Variants in FSTL4 observed in about 807,000 individuals in gnomAD.
FSTL4 encodes the protein follistatin-related protein 4.
A neutral mutation model predicts 78.2 loss-of-function variants in FSTL4; 28 were observed. The ratio of observed to expected loss-of-function variants is 0.36; its 90% confidence interval spans 0.27 to 0.49. The LOEUF is 0.49. Ranked by LOEUF, FSTL4 falls within the 20% of genes least tolerant of loss-of-function variation. The pLI is 0.98. For synonymous variants in FSTL4, 422 were observed against 440.5 expected, an observed-to-expected ratio of 0.96 and a Z score of 0.53; for missense variants, 922 against 1,084.9, an observed-to-expected ratio of 0.85 and a Z score of 2.11.
At chr5:133,436,447 G>A (rs1247469349) in intron 3 of FSTL4, among the ~76,000 whole-genome samples, 4 of 152,206 alleles carry the variant, frequency 2.6e-5, no homozygotes, top group African/African-American at 9.7e-5. Flanking sequence ...CATGGTGTGA[G>A]TTGAGGCTAG....
At chr5:133,350,910 T>C (rs897632340) in intron 4 of FSTL4, among the ~76,000 whole-genome samples, 2 of 152,138 alleles carry the variant, frequency 1.3e-5, no homozygotes, top group Admixed American at 6.5e-5. Context: ...GAAAAGAACA[T>C]GGTAGGAAGG....
chr5:133,221,857 T>C (rs1751116479), intron 11 of FSTL4, among the ~76,000 whole-genome samples: 1 of 147,398 alleles, frequency 6.8e-6, no homozygotes, highest in African/African-American at 2.5e-5. Context: ...CTCTGTAAAT[T>C]CTAGGGTAAA....
At chr5:133,448,655 C>T (rs1237507212) in intron 3 of FSTL4, among the ~76,000 whole-genome samples, 3 of 143,024 alleles carry the variant, frequency 2.1e-5, no homozygotes, top group East Asian at 4.1e-4. Flanking sequence ...TCCCCACTCT[C>T]GAGACAGAAG....
rs1761107933 is a variant in FSTL4 at position 133,612,015 on chromosome 5, C to T, written c.-11+310G>A. Among the ~76,000 whole-genome samples, 1 of 152,022 alleles carries T rather than the reference C, an allele frequency of 6.6e-6. No individual in the cohort carries two copies. The highest frequency in any genetic ancestry group is 2.4e-5 in the African/African-American group (1 of 41,428). ...CCGAGCGCTTCTGCGTGGCGCCCCGCGTGCCAACCGGGTCACTCCGGTCCC... is the reference window on the plus strand; with the variant it reads ...CCGAGCGCTTCTGCGTGGCGCCCCGTGTGCCAACCGGGTCACTCCGGTCCC... On this transcript the variant is annotated intron_variant, in intron 1 of 15. Coordinates refer to ENST00000265342, the MANE Select transcript of FSTL4 (RefSeq NM_015082.2). This position sits in a 1 kb window ranked among gnomAD's most constrained non-coding sequence, Gnocchi z 6.2.
At chr5:133,770,611 G>A in the FSTL4 span, among the ~76,000 whole-genome samples, 2 of 152,148 alleles carry the variant, frequency 1.3e-5, no homozygotes, top group Non-Finnish European at 2.9e-5. Context: ...ACAGATCCTA[G>A]ATATTAGCCC....
the FSTL4 span, among the ~76,000 whole-genome samples, chr5:133,656,857 G>T: frequency 6.6e-6 from 1 of 152,180 alleles, no homozygotes; most frequent in Admixed American, 6.5e-5. Context: ...GACCAGGAAG[G>T]AGACTGACAA....
At chr5:133,478,366 G>C (rs1171157406) in intron 3 of FSTL4, among the ~76,000 whole-genome samples, 1 of 152,244 alleles carries the variant, frequency 6.6e-6, no homozygotes, top group Non-Finnish European at 1.5e-5. Context: ...TGGTGAGCAA[G>C]TCGTCTGTCT....
chr5:133,718,274 T>C, the FSTL4 span, among the ~76,000 whole-genome samples: 1 of 152,094 alleles, frequency 6.6e-6, no homozygotes, highest in Non-Finnish European at 1.5e-5. Context: ...AGAGACAAGG[T>C]TTCACTATGT....
the FSTL4 span, among the ~76,000 whole-genome samples, chr5:133,830,493 C>T: frequency 1.3e-5 from 2 of 152,230 alleles, no homozygotes; most frequent in Non-Finnish European, 2.9e-5. Context: ...CTCACTCTCC[C>T]TCCATCTCTG....
chr5:133,793,088 T>C, the FSTL4 span, among the ~76,000 whole-genome samples: 1 of 152,188 alleles, frequency 6.6e-6, no homozygotes, highest in East Asian at 1.9e-4. Context: ...ACGGTGTGCT[T>C]TTAATGGCCA....
At chr5:133,604,715 A>C (rs1342093427) in intron 1 of FSTL4, among the ~76,000 whole-genome samples, 2 of 152,186 alleles carry the variant, frequency 1.3e-5, no homozygotes, top group African/African-American at 4.8e-5. Context: ...GTCTCAAAAA[A>C]AGAAATGATG....
the FSTL4 span, among the ~76,000 whole-genome samples, chr5:133,836,239 G>A: frequency 6.6e-6 from 1 of 151,866 alleles, no homozygotes; most frequent in African/African-American, 2.4e-5. Flanking sequence ...TCTGTTTTAT[G>A]TTTCTTTTTC....
At chr5:133,322,956 T>C (rs1465999337) in intron 4 of FSTL4, among the ~76,000 whole-genome samples, 1 of 152,166 alleles carries the variant, frequency 6.6e-6, no homozygotes. Context: ...GGAGTTGAAG[T>C]GGACAGCTCC....
At chr5:133,490,000 A>C (rs528354486) in intron 3 of FSTL4, among the ~76,000 whole-genome samples, 29 of 152,352 alleles carry the variant, frequency 1.9e-4, no homozygotes, top group African/African-American at 5.8e-4. Context: ...ACTGCCAGGA[A>C]ACATCTCATT....
At chr5:133,501,008 A>G (rs781071843) in intron 3 of FSTL4, among the ~76,000 whole-genome samples, 1 of 152,018 alleles carries the variant, frequency 6.6e-6, no homozygotes, top group Admixed American at 6.6e-5. Context: ...GGAAGGGGAG[A>G]TAAAAGGGAG....
At chr5:133,205,339 T>G (rs1200822730) in intron 14 of FSTL4, among the ~76,000 whole-genome samples, 4 of 152,204 alleles carry the variant, frequency 2.6e-5, no homozygotes, top group Non-Finnish European at 5.9e-5. Context: ...ATGTGTTCCC[T>G]GCTTGAGCAT....
chr5:133,728,570 G>A, the FSTL4 span, among the ~76,000 whole-genome samples: 1 of 152,222 alleles, frequency 6.6e-6, no homozygotes, highest in Non-Finnish European at 1.5e-5. Flanking sequence ...CAACTGGCAG[G>A]AGGATATGAT....
intron 3 of FSTL4, among the ~76,000 whole-genome samples, chr5:133,420,670 G>A (rs1290601948): frequency 6.6e-6 from 1 of 152,172 alleles, no homozygotes; most frequent in Non-Finnish European, 1.5e-5. Flanking sequence ...GGTGTGGTCT[G>A]GAGCTGCTCA....
At chr5:133,499,969 G>T (rs539563773) in intron 3 of FSTL4, among the ~76,000 whole-genome samples, 1 of 152,074 alleles carries the variant, frequency 6.6e-6, no homozygotes, top group East Asian at 1.9e-4. Flanking sequence ...AAACCATGCC[G>T]CATATTTCCT....
Sources: gnomAD v4.1 joint callset for allele counts (sites outside exome capture counted in the v4.1 genomes callset) on GRCh38, gnomAD v4.1.1 for gene constraint, Gnocchi (gnomAD v3.1) non-coding constraint, MANE v1.5 for transcripts, NCBI Gene and HGNC (gene_info 2026-07-23, HGNC 2026-07-21) for gene names.